The following FAM149B1 variants were observed in gnomAD, a reference collection of about 807,000 sequenced individuals.
FAM149B1 encodes family with sequence similarity 149 member B1.
In FAM149B1, 56 loss-of-function variants were observed where a neutral mutation model predicts 75.3. That is an observed-to-expected ratio of 0.74 (90% confidence interval 0.60 to 0.93). FAM149B1 has a LOEUF of 0.93. Ranked by LOEUF, FAM149B1 falls within the 40% of genes least tolerant of loss-of-function variation. The pLI is 0.00. For missense variants in FAM149B1, 639 were observed against 708.4 expected, an observed-to-expected ratio of 0.90 and a Z score of 1.11; for synonymous variants, 259 against 256.1, an observed-to-expected ratio of 1.01 and a Z score of -0.11.
intron 3 of FAM149B1, among the ~76,000 whole-genome samples, chr10:73,190,272 C>A (rs2042649137): frequency 6.7e-6 from 1 of 148,620 alleles, no homozygotes; most frequent in African/African-American, 2.5e-5. Flanking sequence ...CGAAGAAAGA[C>A]ATGTTTGAAA....
rs1039766170 is a variant in FAM149B1 at position 73,233,164 on chromosome 10, G to T, written c.1352+1G>T. The stretch of plus-strand genomic sequence containing the variant: ...AAGAAATCCTCAGAGGAGCCCGAGT[G>T]TAGGTTTCAAAAGCAGAACTTCTGG... On this transcript the variant is annotated splice_donor_variant, in intron 10 of 13. Coordinates refer to ENST00000242505, the MANE Select transcript of FAM149B1 (RefSeq NM_173348.2). LOFTEE classifies it high-confidence loss of function. 2 of 1,547,892 alleles carry T rather than the reference G, an allele frequency of 1.3e-6. No individual in the cohort carries two copies. Among genetic ancestry groups the T allele is most frequent in the Non-Finnish European group, 1.7e-6 (2 of 1,143,800 alleles).
Position 73,210,451 on chromosome 10 carries a change from G to C in FAM149B1, c.898+13G>C. The stretch of plus-strand genomic sequence containing the variant: ...GGATTTGCCTCTGGTAAGGATCTTT[G>C]TGAAAATAATGTAAAAATCAATTGT... On this transcript the variant is annotated intron_variant, in intron 7 of 13. Coordinates refer to ENST00000242505, the MANE Select transcript of FAM149B1 (RefSeq NM_173348.2). 1.3e-6 allele frequency: 2 copies of C among 1,504,916 alleles called. No individual in the cohort carries two copies. The highest frequency in any genetic ancestry group is 9.0e-7 in the Non-Finnish European group (1 of 1,114,030). The allele number at this position is 1,504,916 out of a possible 1,614,324, so 93.2% of individuals were successfully genotyped here. A position where few individuals can be genotyped will look rare whatever the true frequency, so the allele number is the denominator to read the frequency against.
chr10:73,171,396 T>C (rs932448835), intron 1 of FAM149B1, among the ~76,000 whole-genome samples: 2 of 152,188 alleles, frequency 1.3e-5, no homozygotes, highest in South Asian at 2.1e-4. Context: ...GTTATAATAA[T>C]GATAACCTGC....
In FAM149B1 at chr10:73,242,640, TA is replaced by T. The variant is rs1390349498; in HGVS notation, c.*1623del. ...GGCCCAACTGAAGACATTCAGCAAT[TA>T]ATGGCAGGACTTCAGTAATCAGTGG... On this transcript the variant is annotated 3_prime_UTR_variant, in exon 14 of 14. Coordinates refer to ENST00000242505, the MANE Select transcript of FAM149B1 (RefSeq NM_173348.2). 2 of 152,206 alleles carry T rather than the reference TA, an allele frequency of 1.3e-5. No homozygotes were observed. The highest frequency in any genetic ancestry group is 4.8e-5 in the African/African-American group (2 of 41,448). 9.4% of individuals were successfully genotyped at this position (152,206 alleles called of 1,614,324 possible).
chr10:73,240,094 ATT>A (rs2043907664), intron 13 of FAM149B1, among the ~76,000 whole-genome samples: 2 of 152,232 alleles, frequency 1.3e-5, no homozygotes, highest in Middle Eastern at 3.4e-3. Context: ...CAGGTAATTT[ATT>A]TTTTGTAGAG....
chr10:73,224,227 A>G (rs953239453), intron 7 of FAM149B1, among the ~76,000 whole-genome samples: 10 of 152,262 alleles, frequency 6.6e-5, no homozygotes, highest in African/African-American at 2.2e-4. Context: ...CTCTGTTGCA[A>G]CTACTCAACT....
At chr10:73,228,419 G>A (rs1403075634) in intron 8 of FAM149B1, among the ~76,000 whole-genome samples, 1 of 152,204 alleles carries the variant, frequency 6.6e-6, no homozygotes, top group Non-Finnish European at 1.5e-5. Flanking sequence ...TGTAAGTTGT[G>A]CAACCTAGAA....
chr10:73,201,052 C>G (rs765681782), intron 5 of FAM149B1: 36 of 323,086 alleles, frequency 1.1e-4, no homozygotes, highest in Non-Finnish European at 1.9e-4. Context: ...AAACTATGAT[C>G]TACCTAGCAG....
intron 7 of FAM149B1, among the ~76,000 whole-genome samples, chr10:73,212,885 C>T (rs1045522186): frequency 3.3e-5 from 5 of 152,140 alleles, no homozygotes; most frequent in African/African-American, 1.2e-4. Context: ...CTCTGTCACC[C>T]AGGCTGGAGT....
intron 3 of FAM149B1, among the ~76,000 whole-genome samples, chr10:73,182,496 G>A (rs541356112): frequency 3.3e-5 from 5 of 152,324 alleles, no homozygotes; most frequent in African/African-American, 7.2e-5. Context: ...ACAGGCATGC[G>A]CCACTGCACC....
intron 7 of FAM149B1, among the ~76,000 whole-genome samples, chr10:73,223,385 A>T (rs1042639135): frequency 3.3e-5 from 5 of 152,186 alleles, no homozygotes; most frequent in Admixed American, 3.3e-4. Context: ...TTTGCTCGCA[A>T]CAAGTTTATT....
chr10:73,183,804 T>C (rs1176202595), intron 3 of FAM149B1, among the ~76,000 whole-genome samples: 1 of 152,232 alleles, frequency 6.6e-6, no homozygotes, highest in African/African-American at 2.4e-5. Flanking sequence ...GAGACTATTC[T>C]ACTACAGAGG....
In FAM149B1 at chr10:73,243,988, C is replaced by G. The variant is rs756648925; in HGVS notation, c.*2969C>G. On this transcript the variant is annotated 3_prime_UTR_variant, in exon 14 of 14. Transcript: ENST00000242505. ...CCAGGAAATGCTTAAAATACATACT[C>G]TTTCCCAAAAGCAAATCTATAATTC... 7.2e-6 allele frequency: 10 copies of G among 1,397,264 alleles called. No individual in the cohort carries two copies. In the Admixed American group the frequency reaches 1.4e-4, roughly 19 times the overall value. 86.6% of individuals were successfully genotyped at this position (1,397,264 alleles called of 1,614,324 possible). A position where few individuals can be genotyped will look rare whatever the true frequency, so the allele number is the denominator to read the frequency against.
chr10:73,176,755 G>A (rs534664351), intron 2 of FAM149B1, among the ~76,000 whole-genome samples: 158 of 152,212 alleles, frequency 1.0e-3, no homozygotes, highest in African/African-American at 3.7e-3. Context: ...GGCTGGGCAC[G>A]GTGGCTCATG....
Position 73,243,602 on chromosome 10 carries a change from T to C in FAM149B1, c.*2583T>C, listed in dbSNP as rs1160006010. On this transcript the variant is annotated 3_prime_UTR_variant, in exon 14 of 14. Transcript: ENST00000242505. ...TAGTGGTTGCCAGGGGCTGGAAAAG[T>C]GGAATAACTACTAATGGGTATGGAG... 1 of 1,547,120 alleles carries C rather than the reference T, an allele frequency of 6.5e-7. No homozygotes were observed. The highest frequency in any genetic ancestry group is 1.4e-5 in the African/African-American group (1 of 72,534).
chr10:73,235,084 G>A, intron 11 of FAM149B1, 109 bp from the exon 12 acceptor site: 1 of 1,441,052 alleles, frequency 6.9e-7, no homozygotes, highest in Non-Finnish European at 9.4e-7. Context: ...CGTGGAATTG[G>A]AGCTGTTTGG....
intron 3 of FAM149B1, among the ~76,000 whole-genome samples, chr10:73,186,505 T>C (rs898345721): frequency 1.3e-5 from 2 of 152,170 alleles, no homozygotes; most frequent in Non-Finnish European, 2.9e-5. Context: ...AAGAGAGGCA[T>C]TCAAATTGAA....
Position 73,242,060 on chromosome 10 carries a change from C to G in FAM149B1, c.*1041C>G, listed in dbSNP as rs1778332676. On this transcript the variant is annotated 3_prime_UTR_variant, in exon 14 of 14. Coordinates refer to ENST00000242505, the MANE Select transcript of FAM149B1 (RefSeq NM_173348.2). ...TTCAGAATGGATAAATTCAAATAAT[C>G]ATAAATTACGGTAACTTTTTATTAT... 1 of 152,174 alleles carries G rather than the reference C, an allele frequency of 6.6e-6. No homozygotes were observed. The highest frequency in any genetic ancestry group is 2.1e-4 in the South Asian group (1 of 4,830). 9.4% of individuals were successfully genotyped at this position (152,174 alleles called of 1,614,324 possible).
chr10:73,205,697 G>C (rs2043040042), intron 5 of FAM149B1, among the ~76,000 whole-genome samples: 1 of 152,076 alleles, frequency 6.6e-6, no homozygotes. Flanking sequence ...GGGACTACAG[G>C]TGTGCACCAC....
Sources: gnomAD v4.1 joint callset for allele counts (sites outside exome capture counted in the v4.1 genomes callset) on GRCh38, gnomAD v4.1.1 for gene constraint, MANE v1.5 for transcripts, NCBI Gene and HGNC (gene_info 2026-07-23, HGNC 2026-07-21) for gene names.